The following CCDC169 variants were observed in gnomAD, a reference collection of about 807,000 sequenced individuals.
CCDC169 encodes coiled-coil domain-containing protein 169.
CCDC169 carries 30 observed loss-of-function variants against 36.0 expected under a neutral mutation model. The ratio of observed to expected loss-of-function variants is 0.83; its 90% CI spans 0.62 to 1.13. The LOEUF (loss-of-function observed/expected upper bound fraction) is 1.13, where lower values mean the gene tolerates loss of function less well. Ranked by LOEUF, CCDC169 falls within the 50% of genes most tolerant of loss-of-function variation. CCDC169 has a pLI of 0.00. For missense variants in CCDC169, 245 were observed against 245.9 expected, an observed-to-expected ratio of 1.00 and a Z score of 0.03; for synonymous variants, 85 against 81.5, an observed-to-expected ratio of 1.04 and a Z score of -0.23.
At chr13:36,259,923 G>C (rs1169763768) in intron 4 of CCDC169, among the ~76,000 whole-genome samples, 3 of 152,216 alleles carry the variant, frequency 2.0e-5, no homozygotes, top group African/African-American at 7.2e-5. Flanking sequence ...GGGGAGGGGT[G>C]GCTGACAGGC....
chr13:36,257,147 C>T (rs939495540), intron 4 of CCDC169, among the ~76,000 whole-genome samples: 2 of 152,168 alleles, frequency 1.3e-5, no homozygotes. Context: ...AAACTGTGTT[C>T]TTGATTTGGC....
intron 2 of CCDC169, among the ~76,000 whole-genome samples, chr13:36,287,083 G>A (rs1305649255): frequency 6.6e-6 from 1 of 152,032 alleles, no homozygotes; most frequent in Non-Finnish European, 1.5e-5. Context: ...TTAAACTGAC[G>A]GGCAAATTAC....
At chr13:36,264,847 C>G (rs998670232) in intron 4 of CCDC169, among the ~76,000 whole-genome samples, 3 of 152,316 alleles carry the variant, frequency 2.0e-5, no homozygotes, top group South Asian at 4.1e-4. Flanking sequence ...ACCCTGTCCT[C>G]ATGAAGCTGA....
intron 7 of CCDC169, among the ~76,000 whole-genome samples, chr13:36,235,473 G>A (rs976915385): frequency 6.6e-6 from 1 of 151,630 alleles, no homozygotes. Context: ...TTCTCTCTAA[G>A]CACTAAACCT....
chr13:36,295,315 C>T (rs1460423008), intron 2 of CCDC169, among the ~76,000 whole-genome samples: 1 of 152,126 alleles, frequency 6.6e-6, no homozygotes, highest in Non-Finnish European at 1.5e-5. Context: ...TCATATCTTG[C>T]ATACATTACA....
intron 2 of CCDC169, among the ~76,000 whole-genome samples, chr13:36,291,334 A>C (rs920775320): frequency 6.6e-6 from 1 of 152,192 alleles, no homozygotes; most frequent in South Asian, 2.1e-4. Flanking sequence ...GAAATCTCTT[A>C]TGTTAAATAA....
chr13:36,247,374 C>T (rs1010667140), intron 7 of CCDC169, among the ~76,000 whole-genome samples: 1 of 152,236 alleles, frequency 6.6e-6, no homozygotes, highest in South Asian at 2.1e-4. Context: ...AAATACATTT[C>T]ATAAGTTTAT....
chr13:36,261,390 C>G (rs1874584880), intron 4 of CCDC169, among the ~76,000 whole-genome samples: 1 of 152,176 alleles, frequency 6.6e-6, no homozygotes, highest in African/African-American at 2.4e-5. Flanking sequence ...TGGTGGCAAG[C>G]TGATTATACA....
intron 7 of CCDC169, among the ~76,000 whole-genome samples, chr13:36,240,144 G>T (rs1179509720): frequency 1.3e-5 from 2 of 151,842 alleles, no homozygotes; most frequent in African/African-American, 4.8e-5. Context: ...GTACCACCTT[G>T]CTTCTCACTA....
At chr13:36,235,932 A>G (rs930480934) in intron 7 of CCDC169, among the ~76,000 whole-genome samples, 3 of 152,040 alleles carry the variant, frequency 2.0e-5, no homozygotes, top group African/African-American at 7.2e-5. Context: ...AGTTTTAGGA[A>G]TAAATTTAGC....
chr13:36,266,138 T>C (rs2138535049), intron 4 of CCDC169, among the ~76,000 whole-genome samples: 1 of 152,224 alleles, frequency 6.6e-6, no homozygotes, highest in East Asian at 1.9e-4. Context: ...GGGAAATGAG[T>C]AAAGAATTAT....
rs543880590 is a variant in CCDC169, at chr13:36,256,821, C to T, written c.316-2678G>A. On this transcript the variant is annotated intron_variant, in intron 4 of 7. Coordinates refer to ENST00000239859, the MANE Select transcript of CCDC169 (RefSeq NM_001144981.3). ...CCTTCTTCTCACTGCATGTCATCTC[C>T]TGATCATAAAGGCCACCACAGCAGC... Among the ~76,000 whole-genome samples the T allele has an allele frequency of 6.6e-5, 10 of 152,352 alleles. No individual in the cohort carries two copies. In the South Asian group the frequency reaches 1.7e-3, roughly 25 times the overall value.
Position 36,254,099 on chromosome 13 carries a change from C to T in CCDC169, c.360G>A (p.Lys120=), listed in dbSNP as rs1043680618. 5 of 1,547,334 alleles carry T rather than the reference C, an allele frequency of 3.2e-6. No individual in the cohort carries two copies. The highest frequency in any genetic ancestry group is 4.4e-6 in the Non-Finnish European group (5 of 1,145,726). ...AGTATTTCACTTGACTTTCAAGAGT[C>T]TTCTTTTCTTCTTCTAGCTGTTTAA... is the stretch of plus-strand genomic sequence containing the variant. ...TLLKQLEEEK[K]TLESQVKYYA... is the part of the protein sequence containing the mutation. The change falls in exon 5 of 8, where the codon AAG becomes AAA. Residue 120 remains lysine (K), a synonymous_variant. Coordinates refer to ENST00000239859, the MANE Select transcript of CCDC169 (RefSeq NM_001144981.3).
chr13:36,292,026 T>C (rs531838919), intron 2 of CCDC169, among the ~76,000 whole-genome samples: 2 of 151,244 alleles, frequency 1.3e-5, no homozygotes, highest in Non-Finnish European at 2.9e-5. Context: ...CTCGTTCTTG[T>C]CATCCAGGCT....
intron 2 of CCDC169, among the ~76,000 whole-genome samples, chr13:36,287,678 A>G (rs1202891177): frequency 1.3e-5 from 2 of 152,230 alleles, no homozygotes; most frequent in African/African-American, 4.8e-5. Context: ...TTTAATAAAT[A>G]AAAGTGGTTT....
intron 4 of CCDC169, among the ~76,000 whole-genome samples, chr13:36,254,432 T>C (rs1486804422): frequency 6.6e-6 from 1 of 151,836 alleles, no homozygotes; most frequent in Non-Finnish European, 1.5e-5. Context: ...CCTGCAACCA[T>C]GCCAGGCTAA....
At chr13:36,295,097 C>T (rs781216708) in intron 2 of CCDC169, among the ~76,000 whole-genome samples, 5 of 152,180 alleles carry the variant, frequency 3.3e-5, no homozygotes, top group Non-Finnish European at 7.3e-5. Flanking sequence ...TCAGTTCAAA[C>T]AATGCCTGTT....
chr13:36,290,041 C>CAAT (rs1878679150), intron 2 of CCDC169, among the ~76,000 whole-genome samples: 1 of 152,136 alleles, frequency 6.6e-6, no homozygotes, highest in East Asian at 1.9e-4. Context: ...AGGTCCTTAT[C>CAAT]AGGTGTTATT....
chr13:36,275,583 C>A (rs1328422813), intron 4 of CCDC169, among the ~76,000 whole-genome samples: 1 of 152,166 alleles, frequency 6.6e-6, no homozygotes, highest in South Asian at 2.1e-4. Flanking sequence ...TATATACTTA[C>A]ACGTGTCAAT....
Sources: allele counts gnomAD v4.1 joint callset (sites outside exome capture counted in the v4.1 genomes callset), GRCh38; gene constraint gnomAD v4.1.1; transcripts MANE v1.5; gene names NCBI Gene and HGNC (gene_info 2026-07-23, HGNC 2026-07-21).